The following ANKS1A variants were observed in gnomAD, a reference collection of about 807,000 sequenced individuals.
ANKS1A encodes ankyrin repeat and SAM domain-containing protein 1A.
In ANKS1A, 55 loss-of-function variants were observed where a neutral mutation model predicts 120.3. That is an observed-to-expected ratio of 0.46 (90% confidence interval 0.37 to 0.57). ANKS1A has a LOEUF of 0.57. Among genes scored for constraint, ANKS1A ranks in the 20% least tolerant of loss-of-function variants. The probability of loss-of-function intolerance (pLI) is 0.00; values close to 1 mark genes in which losing one functional copy is unlikely to be tolerated. For missense variants in ANKS1A, 1,123 were observed against 1,480.3 expected (o/e 0.76, Z 3.96); for synonymous variants, 590 against 604.7 (o/e 0.98, Z 0.36).
In ANKS1A at chr6:35,088,701, G is replaced by A; in HGVS notation, c.*92G>A. On this transcript the variant is annotated 3_prime_UTR_variant, in exon 24 of 24. Coordinates refer to ENST00000360359, the MANE Select transcript of ANKS1A (RefSeq NM_015245.3). ...CCGCCATCGCCTCACCTGCAGCTCT[G>A]AAGACCCAGGCCTCACCTCCGCCTG... is the stretch of plus-strand genomic sequence containing the variant. 1 of 1,612,612 alleles carries A rather than the reference G, an allele frequency of 6.2e-7. No individual in the cohort carries two copies. The highest frequency in any genetic ancestry group is 1.7e-4 in the Middle Eastern group (1 of 6,056).
At chr6:35,097,663 TAC>T in the ANKS1A span, among the ~76,000 whole-genome samples, 15 of 129,166 alleles carry the variant, frequency 1.2e-4, no homozygotes, top group Non-Finnish European at 9.9e-5. Context: ...AAAAAACACA[TAC>T]ACACACACAC....
At chr6:35,002,284 G>C (rs559022788) in intron 10 of ANKS1A, among the ~76,000 whole-genome samples, 34 of 152,102 alleles carry the variant, frequency 2.2e-4, no homozygotes, top group Non-Finnish European at 3.4e-4. Flanking sequence ...GCTGTACGTG[G>C]ATGGGAGCAG....
rs530605297 is a variant in ANKS1A, at chr6:35,009,902, T to TAA, written c.1424-7540_1424-7539dup. On this transcript the variant is annotated intron_variant, in intron 10 of 23. Coordinates refer to ENST00000360359, the MANE Select transcript of ANKS1A (RefSeq NM_015245.3). Reference sequence around the variant, plus strand: ...TGGGTGACACGAGCAAGACTCTGTCTAAAAAAAAAAAAAAAAAAAAAAAAA... The same window carrying TAA: ...TGGGTGACACGAGCAAGACTCTGTCTAAAAAAAAAAAAAAAAAAAAAAAAAAA... The TAA allele has an allele frequency of 8.6e-3, 676 of 78,436 alleles. 68 individuals carry two copies. The highest frequency in any genetic ancestry group is 0.028 in the African/African-American group (266 of 9,612). The allele number at this position is 78,436 out of a possible 1,614,324, so 4.9% of individuals were successfully genotyped here.
At chr6:34,976,971 C>T (rs1393520510) in intron 3 of ANKS1A, among the ~76,000 whole-genome samples, 1 of 152,132 alleles carries the variant, frequency 6.6e-6, no homozygotes, top group African/African-American at 2.4e-5. Flanking sequence ...TTGGAAAATT[C>T]AATATTGATA....
Position 34,994,191 on chromosome 6 carries a change from C to A in ANKS1A, c.1303-111C>A, listed in dbSNP as rs1033145224. 1.2e-4 allele frequency: 172 copies of A among 1,382,702 alleles called. No individual in the cohort carries two copies. In the African/African-American group the frequency reaches 2.3e-3, roughly 18 times the overall value. 85.7% of individuals were successfully genotyped at this position (1,382,702 alleles called of 1,614,324 possible). ...ACTTGAATTATTCACCTTCTCTTTT[C>A]CACCTTTCTTCTTTGATGAAAAAAG... On this transcript the variant is annotated intron_variant, in intron 9 of 23. Transcript: ENST00000360359.
At chr6:35,034,821 G>A (rs114603428) in intron 11 of ANKS1A, among the ~76,000 whole-genome samples, 12 of 152,330 alleles carry the variant, frequency 7.9e-5, no homozygotes, top group South Asian at 4.1e-4. Context: ...AGCCTGAGCC[G>A]AGTGATGATT....
rs1449458005 is a variant in ANKS1A at position 35,007,313 on chromosome 6, C to T, written c.1424-10160C>T. ...AACAAAAGCTGGCAGAAGTGGAAAG[C>T]CTTAATAGATCTATGAAGTAGAAAG... is the stretch of plus-strand genomic sequence containing the variant. On this transcript the variant is annotated intron_variant, in intron 10 of 23. Transcript: ENST00000360359. Among the ~76,000 whole-genome samples the T allele has an allele frequency of 2.0e-5, 3 of 152,162 alleles. No individual in the cohort carries two copies. The East Asian group carries it at 5.8e-4, about 29-fold the overall frequency.
intron 11 of ANKS1A, among the ~76,000 whole-genome samples, chr6:35,024,051 T>C (rs772554908): frequency 6.6e-6 from 1 of 152,220 alleles, no homozygotes; most frequent in Non-Finnish European, 1.5e-5. Context: ...AATAAAAATA[T>C]GTAAATTTAA....
intron 1 of ANKS1A, among the ~76,000 whole-genome samples, chr6:34,912,315 C>T (rs930219375): frequency 2.4e-4 from 36 of 152,282 alleles, no homozygotes; most frequent in African/African-American, 8.7e-4. Context: ...TCATTGATAC[C>T]TGTGTAGACT....
intron 11 of ANKS1A, among the ~76,000 whole-genome samples, chr6:35,026,594 G>A (rs999146294): frequency 2.3e-4 from 35 of 152,142 alleles, no homozygotes; most frequent in African/African-American, 8.2e-4. Context: ...GCTGCCGTTA[G>A]GTGAGTCAGC....
intron 1 of ANKS1A, among the ~76,000 whole-genome samples, chr6:34,912,993 G>A (rs1043562846): frequency 3.3e-5 from 5 of 152,100 alleles, no homozygotes; most frequent in South Asian, 2.1e-4. Flanking sequence ...TATGAACATC[G>A]TCACCTTGTT....
At chr6:35,071,795 G>A (rs578045123) in intron 13 of ANKS1A, among the ~76,000 whole-genome samples, 2 of 152,326 alleles carry the variant, frequency 1.3e-5, no homozygotes, top group Admixed American at 1.3e-4. Context: ...TACCTACCCC[G>A]GCCTCGTGGA....
chr6:35,068,921 A>G lies in ANKS1A; in HGVS notation c.2184+8668A>G, dbSNP rs572427719. Among the ~76,000 whole-genome samples the G allele has an allele frequency of 3.0e-4, 45 of 152,266 alleles. No individual in the cohort carries two copies. The South Asian group carries it at 8.1e-3, about 27-fold the overall frequency. ...CTGGAGCTAGAGTCCAGGCTGGCGCAGCTCTGGCCCCAAGAATCAGAATCT... is the reference window on the plus strand; with the variant it reads ...CTGGAGCTAGAGTCCAGGCTGGCGCGGCTCTGGCCCCAAGAATCAGAATCT... On this transcript the variant is annotated intron_variant, in intron 13 of 23. Transcript: ENST00000360359.
chr6:35,090,189 G>A lies in ANKS1A; in HGVS notation c.*1580G>A, dbSNP rs777767514. 35 of 1,289,306 alleles carry A rather than the reference G, an allele frequency of 2.7e-5. No individual in the cohort carries two copies. The highest frequency in any genetic ancestry group is 2.3e-4 in the African/African-American group (15 of 65,862). The allele number at this position is 1,289,306 out of a possible 1,614,324, so 79.9% of individuals were successfully genotyped here. A position where few individuals can be genotyped will look rare whatever the true frequency, so the allele number is the denominator to read the frequency against. On this transcript the variant is annotated 3_prime_UTR_variant, in exon 24 of 24. Coordinates refer to ENST00000360359, the MANE Select transcript of ANKS1A (RefSeq NM_015245.3). ...CTTCTTGGTACTAAACGAAGATCTC[G>A]ACACCTTGCAGTTTTACTTCATTTC...
In ANKS1A at chr6:34,982,903, T is replaced by C; in HGVS notation, c.808+76T>C. On this transcript the variant is annotated intron_variant, in intron 5 of 23. Coordinates refer to ENST00000360359, the MANE Select transcript of ANKS1A (RefSeq NM_015245.3). The surrounding 1 kb of genome is among the most constrained non-coding windows in gnomAD (Gnocchi z 4.9). ...GTTTCTCCCTAGTCCCCTAGGGGGATTTTTGCTGGCTGTGTTTGAACTCAA... is the reference window on the plus strand; with the variant it reads ...GTTTCTCCCTAGTCCCCTAGGGGGACTTTTGCTGGCTGTGTTTGAACTCAA... The C allele has an allele frequency of 6.4e-7, 1 of 1,565,782 alleles. No homozygotes were observed.
At chr6:35,019,304 A>T (rs936420486) in intron 11 of ANKS1A, among the ~76,000 whole-genome samples, 18 of 152,306 alleles carry the variant, frequency 1.2e-4, no homozygotes, top group East Asian at 3.9e-4. Flanking sequence ...GGAGGGGAAC[A>T]CTACAGCTGA....
chr6:34,955,389 A>G (rs1581744685), intron 1 of ANKS1A, among the ~76,000 whole-genome samples: 1 of 152,138 alleles, frequency 6.6e-6, no homozygotes, highest in South Asian at 2.1e-4. Context: ...CGTCCACCTC[A>G]GCCTCCCAAA....
At chr6:34,927,908 A>G (rs892364625) in intron 1 of ANKS1A, among the ~76,000 whole-genome samples, 2 of 152,158 alleles carry the variant, frequency 1.3e-5, no homozygotes, top group Non-Finnish European at 2.9e-5. Context: ...CCCATTTTCC[A>G]AACTGAGATG....
intron 1 of ANKS1A, among the ~76,000 whole-genome samples, chr6:34,949,862 T>C (rs1769985394): frequency 6.6e-6 from 1 of 152,182 alleles, no homozygotes; most frequent in African/African-American, 2.4e-5. Flanking sequence ...TGGGGAGTAA[T>C]TGATGTTCAT....
Sources: gnomAD v4.1 joint callset for allele counts (sites outside exome capture counted in the v4.1 genomes callset) on GRCh38, gnomAD v4.1.1 for gene constraint, Gnocchi (gnomAD v3.1) non-coding constraint, MANE v1.5 for transcripts, NCBI Gene and HGNC (gene_info 2026-07-23, HGNC 2026-07-21) for gene names.